Variants in PACSIN2 observed in about 807,000 individuals in gnomAD.
PACSIN2 encodes protein kinase C and casein kinase substrate in neurons 2.
A neutral mutation model predicts 63.8 loss-of-function variants in PACSIN2; 25 were observed. The ratio of observed to expected loss-of-function variants is 0.39; its 90% CI spans 0.29 to 0.55. The LOEUF (loss-of-function observed/expected upper bound fraction) is 0.55. PACSIN2 is among the 20% of genes least tolerant of loss of function. The pLI is 0.62. For synonymous variants in PACSIN2, 255 were observed against 256.2 expected, an observed-to-expected ratio of 1.00 and a Z score of 0.05; for missense variants, 518 against 646.9, an observed-to-expected ratio of 0.80 and a Z score of 2.16.
intron 1 of PACSIN2, among the ~76,000 whole-genome samples, chr22:42,945,268 G>A (rs1308479438): frequency 6.6e-6 from 1 of 152,056 alleles, no homozygotes. Flanking sequence ...TTTGGGGAGG[G>A]AGCTGACACT....
chr22:42,920,244 GCA>G (rs1644451024), intron 1 of PACSIN2, among the ~76,000 whole-genome samples: 2 of 152,212 alleles, frequency 1.3e-5, no homozygotes, highest in African/African-American at 2.4e-5. Context: ...GACTGTTCCT[GCA>G]CACACTCCAG....
At position 42,987,908 on chromosome 22, in the gene PACSIN2, A is replaced by G. The variant is rs551022962; in HGVS notation, c.-78+27113T>C. On this transcript the variant is annotated intron_variant, in intron 1 of 10. Transcript: ENST00000263246. ...GTAATCCCAGCACTTTGGGAGGCTG[A>G]GGCGGGCAGATCACTTGAGGTCAGG... Among the ~76,000 whole-genome samples, 45 of 152,194 alleles carry G rather than the reference A, an allele frequency of 3.0e-4. No homozygotes were observed. The South Asian group carries it at 8.3e-3, about 28-fold the overall frequency.
intron 1 of PACSIN2, among the ~76,000 whole-genome samples, chr22:42,989,563 G>A (rs552822114): frequency 1.3e-4 from 19 of 151,016 alleles, no homozygotes; most frequent in African/African-American, 4.6e-4. Flanking sequence ...TTGGGAGGCC[G>A]AGGCGGGTGG....
intron 2 of PACSIN2, among the ~76,000 whole-genome samples, chr22:42,902,362 C>A (rs1159909473): frequency 1.3e-5 from 2 of 152,190 alleles, no homozygotes; most frequent in African/African-American, 4.8e-5. Context: ...TTACCCCTCC[C>A]CCTGGTGGAC....
chr22:43,013,576 G>A (rs111359451), intron 1 of PACSIN2, among the ~76,000 whole-genome samples: 2 of 152,340 alleles, frequency 1.3e-5, no homozygotes, highest in African/African-American at 4.8e-5. Flanking sequence ...GGCAAGAACA[G>A]GAGGGCTGGC....
At position 42,879,037 on chromosome 22, in the gene PACSIN2, C is replaced by T. The variant is rs368619895; in HGVS notation, c.1028+11G>A. On this transcript the variant is annotated intron_variant, in intron 8 of 10. Coordinates refer to ENST00000263246, the MANE Select transcript of PACSIN2 (RefSeq NM_001184970.3). Reference sequence around the variant, plus strand: ...AACGGCCTCTTTTGGATGGAGGTGGCGCCCACTCACCTGCTGGGCTTACTC... The same window carrying T: ...AACGGCCTCTTTTGGATGGAGGTGGTGCCCACTCACCTGCTGGGCTTACTC... 2.4e-5 allele frequency: 38 copies of T among 1,610,082 alleles called. No homozygotes were observed. The highest frequency in any genetic ancestry group is 6.7e-5 in the Admixed American group (4 of 59,748).
chr22:42,936,026 A>T (rs2146788847), intron 1 of PACSIN2, among the ~76,000 whole-genome samples: 1 of 152,208 alleles, frequency 6.6e-6, no homozygotes, highest in African/African-American at 2.4e-5. Flanking sequence ...ATCCTGGCTA[A>T]CACGGTGAAA....
intron 1 of PACSIN2, among the ~76,000 whole-genome samples, chr22:42,950,717 G>A (rs1601567804): frequency 1.3e-5 from 2 of 152,158 alleles, no homozygotes; most frequent in African/African-American, 2.4e-5. Flanking sequence ...TTAAGAGTGG[G>A]TAATTACCTA....
chr22:42,966,227 G>C (rs955349959), intron 1 of PACSIN2, among the ~76,000 whole-genome samples: 1 of 152,154 alleles, frequency 6.6e-6, no homozygotes, highest in Non-Finnish European at 1.5e-5. Context: ...AAAATTAGCA[G>C]GGTGTGGTGG....
chr22:42,980,125 A>T (rs796120296), intron 1 of PACSIN2, among the ~76,000 whole-genome samples: 12 of 152,380 alleles, frequency 7.9e-5, no homozygotes, highest in African/African-American at 2.9e-4. Flanking sequence ...AGGTATGGCA[A>T]AACAAGTATA....
chr22:42,919,750 G>A (rs1474694872), intron 1 of PACSIN2, among the ~76,000 whole-genome samples: 1 of 132,696 alleles, frequency 7.5e-6, no homozygotes, highest in Non-Finnish European at 1.5e-5. Flanking sequence ...TCCAGCCTGG[G>A]TGACAGAGCA....
At chr22:42,875,985 T>C (rs1449115659) in intron 10 of PACSIN2, 152 bp downstream of exon 10, 1 of 642,032 alleles carries the variant, frequency 1.6e-6, no homozygotes, top group African/African-American at 1.8e-5. Context: ...TTGGCTGCTT[T>C]TGACAATGAA....
chr22:42,880,558 C>T (rs774356670), intron 7 of PACSIN2: 1 of 152,226 alleles, frequency 6.6e-6, no homozygotes, highest in African/African-American at 2.4e-5. Flanking sequence ...CCCATGCGGG[C>T]CACAGACACC....
chr22:42,932,962 T>C (rs1932812709), intron 1 of PACSIN2, among the ~76,000 whole-genome samples: 1 of 152,228 alleles, frequency 6.6e-6, no homozygotes, highest in African/African-American at 2.4e-5. Flanking sequence ...CCAACTGTGT[T>C]AGGAGACGAA....
At chr22:42,975,062 C>T (rs1921597696) in intron 1 of PACSIN2, among the ~76,000 whole-genome samples, 1 of 152,152 alleles carries the variant, frequency 6.6e-6, no homozygotes, top group Admixed American at 6.5e-5. Context: ...TCTAGTCCAC[C>T]ACTTCTACTA....
intron 7 of PACSIN2, among the ~76,000 whole-genome samples, chr22:42,881,658 G>A (rs1032602800): frequency 6.6e-6 from 1 of 152,212 alleles, no homozygotes; most frequent in African/African-American, 2.4e-5. Flanking sequence ...GATAATGAAA[G>A]CTTAGACCCA....
intron 1 of PACSIN2, among the ~76,000 whole-genome samples, chr22:42,922,619 A>C (rs1391024919): frequency 6.6e-6 from 1 of 152,258 alleles, no homozygotes; most frequent in Non-Finnish European, 1.5e-5. Flanking sequence ...CCTCTTCACT[A>C]TCTGGGGGGA....
chr22:42,990,051 T>C (rs12170697), intron 1 of PACSIN2, among the ~76,000 whole-genome samples: 1,234 of 28,198 alleles, frequency 0.044, 43 homozygotes, highest in African/African-American at 0.2. Context: ...TATATATATA[T>C]ACACACACAT....
chr22:42,876,994 T>A lies in PACSIN2; in HGVS notation c.1045A>T (p.Ser349Cys). 6.2e-7 allele frequency: 1 copy of A among 1,614,110 alleles called. No homozygotes were observed. Among genetic ancestry groups the A allele is most frequent in the Non-Finnish European group, 8.5e-7 (1 of 1,179,996 alleles). The part of the protein sequence containing the change: ...SKPSSTLNVP[S>C]NPAQSAQSQS... ...GACTGCGCAGACTGGGCGGGGTTGC[T>A]CGGGACATTAAGGGTGCTATGGAGA... is the stretch of plus-strand genomic sequence containing the variant. Residue 349 changes from serine (S) to cysteine (C), a missense_variant, in exon 9 of 11, where the codon AGC (serine) becomes TGC (cysteine). Physicochemically the swap from Ser to Cys is moderately radical, Grantham distance 112. This residue lies in a region of PACSIN2 where 507 missense variants were observed against 612.3 expected (regional missense o/e 0.83). Coordinates refer to ENST00000263246, the MANE Select transcript of PACSIN2 (RefSeq NM_001184970.3).
Sources: gnomAD v4.1 joint callset for allele counts (sites outside exome capture counted in the v4.1 genomes callset) on GRCh38, gnomAD v4.1.1 for gene constraint, gnomAD v4.1.1 regional missense constraint, MANE v1.5 for transcripts, NCBI Gene and HGNC (gene_info 2026-07-23, HGNC 2026-07-21) for gene names.